Variants in DIP2B observed in about 807,000 individuals in gnomAD.
The protein encoded by DIP2B is disco-interacting protein 2 homolog B.
DIP2B carries 76 observed loss-of-function variants against 198.0 expected under a neutral mutation model. The observed-to-expected ratio is 0.38, with a 90% confidence interval of 0.32 to 0.46. The LOEUF is 0.46. Ranked by LOEUF, DIP2B falls within the 20% of genes least tolerant of loss-of-function variation. DIP2B has a pLI of 0.99. For synonymous variants in DIP2B, 701 were observed against 739.1 expected, an observed-to-expected ratio of 0.95 and a Z score of 0.84; for missense variants, 1,559 against 1,978.4, an observed-to-expected ratio of 0.79 and a Z score of 4.02.
In DIP2B at chr12:50,716,958, C is replaced by CTTTTTTTTTTTT. The variant is rs4026694; in HGVS notation, c.2852-1739_2852-1728dup. ...CCTATCCTAGATTTACGAATTGTTGCTTTTTTTTTTTTTTTTTTTTTTTGA... is the reference window on the plus strand; with the variant it reads ...CCTATCCTAGATTTACGAATTGTTGCTTTTTTTTTTTTTTTTTTTTTTTTTTTTTTTTTTTGA... On this transcript the variant is annotated intron_variant, in intron 23 of 37. Transcript: ENST00000301180. Among the ~76,000 whole-genome samples the CTTTTTTTTTTTT allele has an allele frequency of 9.3e-4, 55 of 58,934 alleles. 10 individuals are homozygous for CTTTTTTTTTTTT. Among genetic ancestry groups the CTTTTTTTTTTTT allele is most frequent in the East Asian group, 1.5e-3 (2 of 1,298 alleles). 38.7% of individuals were successfully genotyped at this position (58,934 alleles called of 152,430 possible).
intron 19 of DIP2B, among the ~76,000 whole-genome samples, chr12:50,702,397 A>G (rs1425860812): frequency 4.6e-5 from 7 of 151,206 alleles, no homozygotes; most frequent in African/African-American, 1.7e-4. Context: ...AACCTTGTGT[A>G]CTGAAAATAC....
Position 50,748,208 on chromosome 12 carries a change from T to C in DIP2B, c.*3369T>C, listed in dbSNP as rs779154117. On this transcript the variant is annotated 3_prime_UTR_variant, in exon 38 of 38. Coordinates refer to ENST00000301180, the MANE Select transcript of DIP2B (RefSeq NM_173602.3). Reference sequence around the variant, plus strand: ...TTGAATATCCAGGAATCTTTTAGTCTAAAGCAATGAGGAGTTATCACCTCA... The same window carrying C: ...TTGAATATCCAGGAATCTTTTAGTCCAAAGCAATGAGGAGTTATCACCTCA... 6.6e-5 allele frequency: 10 copies of C among 152,670 alleles called. No homozygotes were observed. Among genetic ancestry groups the C allele is most frequent in the Admixed American group, 4.6e-4 (7 of 15,282 alleles). 9.5% of individuals were successfully genotyped at this position (152,670 alleles called of 1,614,324 possible).
intron 1 of DIP2B, among the ~76,000 whole-genome samples, chr12:50,548,499 TTTTTA>T (rs909336686): frequency 2.6e-5 from 4 of 152,172 alleles, no homozygotes. Context: ...TTGGCATACA[TTTTTA>T]TTTTATTTAT....
intron 1 of DIP2B, among the ~76,000 whole-genome samples, chr12:50,592,645 T>C (rs1958829921): frequency 1.3e-5 from 2 of 151,966 alleles, no homozygotes; most frequent in African/African-American, 2.4e-5. Context: ...GCCTGGCTAA[T>C]TTTTGTATTT....
chr12:50,599,449 C>T (rs1361526178), intron 1 of DIP2B, among the ~76,000 whole-genome samples: 3 of 152,082 alleles, frequency 2.0e-5, no homozygotes, highest in African/African-American at 7.2e-5. Flanking sequence ...AACCCTGTCT[C>T]TACTGAAAAT....
chr12:50,698,576 A>G, intron 18 of DIP2B, 109 bp downstream of exon 18: 1 of 1,332,346 alleles, frequency 7.5e-7, no homozygotes, highest in Non-Finnish European at 1.0e-6. Flanking sequence ...TTCAGTACTT[A>G]ACGCATTTAA....
intron 1 of DIP2B, among the ~76,000 whole-genome samples, chr12:50,591,754 C>G (rs910873424): frequency 1.3e-5 from 2 of 151,956 alleles, no homozygotes; most frequent in Non-Finnish European, 2.9e-5. Context: ...GCCACCGTGC[C>G]CAGCCATATG....
chr12:50,608,561 G>A (rs1959003838), intron 1 of DIP2B, among the ~76,000 whole-genome samples: 1 of 151,712 alleles, frequency 6.6e-6, no homozygotes, highest in South Asian at 2.1e-4. Flanking sequence ...GGGAGGCAGA[G>A]GTTGCAGTGA....
intron 19 of DIP2B, among the ~76,000 whole-genome samples, chr12:50,701,860 A>G (rs1939423289): frequency 6.6e-6 from 1 of 152,244 alleles, no homozygotes; most frequent in South Asian, 2.1e-4. Context: ...TGCTGTTTCT[A>G]TAGGATTAAT....
At chr12:50,674,422 G>A in intron 5 of DIP2B, 52 bp from the exon 6 acceptor site, 1 of 1,599,990 alleles carries the variant, frequency 6.3e-7, no homozygotes, top group African/African-American at 1.3e-5. Context: ...AAGATTTGAA[G>A]GTTCTTAGTT....
intron 1 of DIP2B, among the ~76,000 whole-genome samples, chr12:50,541,339 T>C (rs2139375022): frequency 6.6e-6 from 1 of 152,058 alleles, no homozygotes; most frequent in East Asian, 1.9e-4. Context: ...ATTTCCTTTG[T>C]CAGCATTACA....
rs1210736344 is a variant in DIP2B, at chr12:50,703,973, G to GT, written c.2326-166dup. 4.0e-5 allele frequency among the ~76,000 whole-genome samples: 6 copies of GT among 151,172 alleles called. No homozygotes were observed. In the East Asian group the frequency reaches 1.2e-3, roughly 29 times the overall value. On this transcript the variant is annotated intron_variant, in intron 19 of 37. Transcript: ENST00000301180. The stretch of plus-strand genomic sequence containing the variant: ...TGTATCTTCTTAAAAGTCTAGAGAG[G>GT]TAAACAATAAATTGTAATTATTTCT...
At chr12:50,608,857 A>G (rs1449147102) in intron 1 of DIP2B, among the ~76,000 whole-genome samples, 16 of 152,120 alleles carry the variant, frequency 1.1e-4, no homozygotes, top group Admixed American at 1.0e-3. Flanking sequence ...AAAAATATTT[A>G]TTAGCCGGGC....
intron 2 of DIP2B, among the ~76,000 whole-genome samples, chr12:50,633,550 A>G (rs1938102474): frequency 6.6e-6 from 1 of 152,212 alleles, no homozygotes; most frequent in African/African-American, 2.4e-5. Context: ...TGGCTGAGGC[A>G]GGATGATCAC....
Position 50,718,759 on chromosome 12 carries a change from AT to A in DIP2B, c.2903del (p.Ile968LysfsTer12). 1 of 1,614,214 alleles carries A rather than the reference AT, an allele frequency of 6.2e-7. No homozygotes were observed. Among genetic ancestry groups the A allele is most frequent in the Non-Finnish European group, 8.5e-7 (1 of 1,180,036 alleles). On this transcript the variant is annotated frameshift_variant, in exon 24 of 38. Transcript: ENST00000301180. LOFTEE classifies it high-confidence loss of function. ...MVGNLVAGKR[I>X]AQAAGRDLGQ... The stretch of plus-strand genomic sequence containing the variant: ...TGGGAATCTGGTTGCTGGAAAACGT[AT>A]AGCACAAGCTGCTGGAAGGGATCTG...
intron 1 of DIP2B, among the ~76,000 whole-genome samples, chr12:50,575,982 T>C (rs1439444249): frequency 6.6e-6 from 1 of 152,136 alleles, no homozygotes; most frequent in East Asian, 1.9e-4. Context: ...GGTCTCAAAC[T>C]CCTGACCTTA....
intron 1 of DIP2B, among the ~76,000 whole-genome samples, chr12:50,623,275 A>G (rs536568124): frequency 6.6e-6 from 1 of 152,006 alleles, no homozygotes; most frequent in African/African-American, 2.4e-5. Context: ...TGGGAGGCTG[A>G]GGTGGGAAGA....
intron 1 of DIP2B, among the ~76,000 whole-genome samples, chr12:50,581,861 G>C (rs1958727160): frequency 6.6e-6 from 1 of 152,176 alleles, no homozygotes; most frequent in South Asian, 2.1e-4. Context: ...GAAATTTGTT[G>C]AGGAAGGGAA....
chr12:50,610,488 G>T (rs901588136), intron 1 of DIP2B, among the ~76,000 whole-genome samples: 2 of 148,508 alleles, frequency 1.3e-5, no homozygotes, highest in Admixed American at 6.9e-5. Context: ...ATTTTCTTTA[G>T]TGATATTGGA....
Sources: gnomAD v4.1 joint callset for allele counts (sites outside exome capture counted in the v4.1 genomes callset) on GRCh38, gnomAD v4.1.1 for gene constraint, MANE v1.5 for transcripts, NCBI Gene and HGNC (gene_info 2026-07-23, HGNC 2026-07-21) for gene names.